The following USH2A variants were observed in gnomAD, a reference collection of about 807,000 sequenced individuals.
USH2A encodes usherin.
Under a neutral mutation model 538.9 loss-of-function variants are expected in USH2A, and 443 were observed. The ratio of observed to expected loss-of-function variants is 0.82; its 90% CI spans 0.76 to 0.89. The LOEUF (loss-of-function observed/expected upper bound fraction) is 0.89. Ranked by LOEUF, USH2A falls within the 40% of genes least tolerant of loss-of-function variation. The pLI, the probability that USH2A is intolerant of heterozygous loss-of-function variation, is 0.00. For synonymous variants in USH2A, 2,413 were observed against 2,273.5 expected, an observed-to-expected ratio of 1.06 and a Z score of -1.75; for missense variants, 6,633 against 6,324.8, an observed-to-expected ratio of 1.05 and a Z score of -1.65.
chr1:215,836,548 T>TC (rs557196020), intron 47 of USH2A, among the ~76,000 whole-genome samples: 983 of 18,382 alleles, frequency 0.053, 126 homozygotes, highest in African/African-American at 0.19. Context: ...ATATAATATA[T>TC]ATATATATAT....
chr1:215,655,149 G>T (rs569824127), intron 64 of USH2A, among the ~76,000 whole-genome samples: 4 of 152,094 alleles, frequency 2.6e-5, no homozygotes, highest in Non-Finnish European at 5.9e-5. Context: ...ATTTCCAAGC[G>T]CTTTTTACAC....
At chr1:216,308,700 T>C (rs2037363760) in intron 9 of USH2A, among the ~76,000 whole-genome samples, 2 of 152,224 alleles carry the variant, frequency 1.3e-5, no homozygotes, top group Non-Finnish European at 2.9e-5. Flanking sequence ...TTTCTCTTTC[T>C]GGTTCTATAA....
intron 27 of USH2A, among the ~76,000 whole-genome samples, chr1:216,076,927 T>C (rs1400496021): frequency 6.6e-6 from 1 of 152,114 alleles, no homozygotes; most frequent in Non-Finnish European, 1.5e-5. Context: ...CTTTCCCCAC[T>C]TTACAAAGGA....
At chr1:215,979,758 T>C (rs985748854) in intron 35 of USH2A, among the ~76,000 whole-genome samples, 1 of 152,128 alleles carries the variant, frequency 6.6e-6, no homozygotes, top group Non-Finnish European at 1.5e-5. Context: ...GATTGCAATA[T>C]GGTATGATAA....
intron 3 of USH2A, among the ~76,000 whole-genome samples, chr1:216,400,988 T>C (rs1021462766): frequency 6.6e-6 from 1 of 152,052 alleles, no homozygotes; most frequent in African/African-American, 2.4e-5. Flanking sequence ...TCAGAACTTA[T>C]AAAGAAAATA....
chr1:216,225,569 G>A (rs1398431130), intron 14 of USH2A, among the ~76,000 whole-genome samples: 6 of 152,104 alleles, frequency 3.9e-5, no homozygotes, highest in Non-Finnish European at 8.8e-5. Flanking sequence ...ATTCTTTTTA[G>A]AGAAGCTGCA....
chr1:215,711,864 T>C (rs1659346373), intron 61 of USH2A, among the ~76,000 whole-genome samples: 1 of 152,206 alleles, frequency 6.6e-6, no homozygotes, highest in South Asian at 2.1e-4. Context: ...CTCCCTTTGC[T>C]CCATTCTTGA....
intron 53 of USH2A, 145 bp from the exon 54 acceptor site, chr1:215,782,341 A>G: frequency 1.2e-6 from 1 of 863,098 alleles, no homozygotes. Context: ...TGTCTCAAGC[A>G]GTTCCTAATT....
At chr1:216,357,953 G>A (rs1348336139) in intron 4 of USH2A, among the ~76,000 whole-genome samples, 1 of 152,050 alleles carries the variant, frequency 6.6e-6, no homozygotes, top group Admixed American at 6.6e-5. Context: ...ATCACACTTT[G>A]GTTGATATAG....
chr1:216,231,045 A>G (rs190648263), intron 14 of USH2A, among the ~76,000 whole-genome samples: 345 of 151,084 alleles, frequency 2.3e-3, no homozygotes, highest in African/African-American at 8.0e-3. Context: ...ACTTTGAAAA[A>G]TGATTTACTT....
intron 32 of USH2A, among the ~76,000 whole-genome samples, chr1:216,032,002 A>G (rs913069434): frequency 7.2e-5 from 11 of 152,328 alleles, no homozygotes; most frequent in African/African-American, 2.6e-4. Context: ...CACATGTTAC[A>G]GAATTTACCA....
chr1:216,297,254 TG>T (rs2037125651), intron 9 of USH2A, among the ~76,000 whole-genome samples: 1 of 152,038 alleles, frequency 6.6e-6, no homozygotes, highest in Admixed American at 6.5e-5. Flanking sequence ...GTCACACAGT[TG>T]GCCCTCAGCA....
chr1:215,875,173 C>T, intron 43 of USH2A, among the ~76,000 whole-genome samples: 1 of 152,134 alleles, frequency 6.6e-6, no homozygotes, highest in East Asian at 1.9e-4. Context: ...CAAGACACTC[C>T]CCCTTGGGCT....
chr1:216,012,548 T>A (rs898089208), intron 32 of USH2A, among the ~76,000 whole-genome samples: 3 of 152,152 alleles, frequency 2.0e-5, no homozygotes, highest in Non-Finnish European at 4.4e-5. Flanking sequence ...CCTTCTCACC[T>A]CTATACAGTC....
At chr1:216,080,782 T>C (rs2031917130) in intron 26 of USH2A, among the ~76,000 whole-genome samples, 1 of 150,998 alleles carries the variant, frequency 6.6e-6, no homozygotes, top group Non-Finnish European at 1.5e-5. Context: ...ACATATTTTC[T>C]TTGGTTGTAA....
chr1:216,401,969 G>T (rs1252800346), intron 3 of USH2A, among the ~76,000 whole-genome samples: 1 of 152,056 alleles, frequency 6.6e-6, no homozygotes, highest in African/African-American at 2.4e-5. Flanking sequence ...ATTTATAAGA[G>T]AATTGGTTTT....
rs756635603 is a variant in USH2A at position 215,648,731 on chromosome 1, A to G, written c.14379T>C (p.His4793=). The G allele has an allele frequency of 2.5e-6, 4 of 1,614,196 alleles. No homozygotes were observed. Among genetic ancestry groups the G allele is most frequent in the East Asian group, 4.5e-5 (2 of 44,880 alleles). Residue 4793 remains histidine (H), a synonymous_variant, in exon 66 of 72, where the codon CAT becomes CAC. Coordinates refer to ENST00000307340, the MANE Select transcript of USH2A (RefSeq NM_206933.4). The stretch of plus-strand genomic sequence containing the variant: ...AGTAGTTAGTGAAGGCTTGAAGGCC[A>G]TGGAGAGTCTGCTGGGTGGCCATGC... ...SEGMATQQTL[H]GLQAFTNYSI...
At chr1:216,300,692 C>A (rs1157667221) in intron 9 of USH2A, among the ~76,000 whole-genome samples, 2 of 151,648 alleles carry the variant, frequency 1.3e-5, no homozygotes, top group African/African-American at 4.9e-5. Context: ...CAAAGATAAC[C>A]CATAGTCTCC....
At chr1:215,865,218 G>T (rs925692774) in intron 44 of USH2A, among the ~76,000 whole-genome samples, 1 of 152,186 alleles carries the variant, frequency 6.6e-6, no homozygotes, top group Non-Finnish European at 1.5e-5. Context: ...GCTTTCGCAA[G>T]ACTGACCCTC....
Sources: allele counts gnomAD v4.1 joint callset (sites outside exome capture counted in the v4.1 genomes callset), GRCh38; gene constraint gnomAD v4.1.1; transcripts MANE v1.5; gene names NCBI Gene and HGNC (gene_info 2026-07-23, HGNC 2026-07-21).